The following LPIN2 variants were observed in gnomAD, a reference collection of about 807,000 sequenced individuals.
The protein encoded by LPIN2 is phosphatidate phosphatase LPIN2.
In LPIN2, 55 loss-of-function variants were observed where a neutral mutation model predicts 111.4. The ratio of observed to expected loss-of-function variants is 0.49; its 90% CI spans 0.40 to 0.62. The LOEUF (loss-of-function observed/expected upper bound fraction) is 0.62, where lower values mean the gene tolerates loss of function less well. Among genes scored for constraint, LPIN2 ranks in the 20% least tolerant of loss-of-function variants. The probability of loss-of-function intolerance (pLI) is 0.00; values close to 1 mark genes in which losing one functional copy is unlikely to be tolerated. For missense variants in LPIN2, 992 were observed against 1,112.1 expected (o/e 0.89, Z 1.54); for synonymous variants, 425 against 414.0 (o/e 1.03, Z -0.32).
intron 1 of LPIN2, among the ~76,000 whole-genome samples, chr18:2,992,036 A>G (rs1186072293): frequency 6.6e-6 from 1 of 152,170 alleles, no homozygotes; most frequent in African/African-American, 2.4e-5. Flanking sequence ...AATACAATAA[A>G]AAATAAATAT....
intron 3 of LPIN2, among the ~76,000 whole-genome samples, chr18:2,953,658 G>T (rs1162655578): frequency 1.3e-5 from 2 of 152,110 alleles, no homozygotes; most frequent in Admixed American, 1.3e-4. Context: ...GTATCAAACT[G>T]TAAGTTCATC....
At chr18:3,011,103 A>G (rs1341517158) in intron 1 of LPIN2, among the ~76,000 whole-genome samples, 1 of 152,060 alleles carries the variant, frequency 6.6e-6, no homozygotes, top group Admixed American at 6.5e-5. Context: ...GCTTTCAGGA[A>G]CTCTGGGTCC....
At chr18:3,004,610 G>A (rs890651940) in intron 1 of LPIN2, among the ~76,000 whole-genome samples, 3 of 152,100 alleles carry the variant, frequency 2.0e-5, no homozygotes, top group African/African-American at 7.2e-5. Context: ...ATCAGGAACC[G>A]TCAAAATTAC....
chr18:2,930,067 G>A (rs2077192198), intron 9 of LPIN2, among the ~76,000 whole-genome samples: 1 of 152,096 alleles, frequency 6.6e-6, no homozygotes, highest in Non-Finnish European at 1.5e-5. Flanking sequence ...ATGAATTTTT[G>A]TACCCTGTTC....
chr18:2,939,641 C>A, intron 5 of LPIN2, 38 bp from the exon 6 acceptor site: 2 of 1,607,838 alleles, frequency 1.2e-6, no homozygotes, highest in South Asian at 2.2e-5. Flanking sequence ...ACTTGAAAGT[C>A]GGGAAACCTT....
At chr18:2,939,933 T>G (rs1292850506) in intron 5 of LPIN2, among the ~76,000 whole-genome samples, 1 of 152,218 alleles carries the variant, frequency 6.6e-6, no homozygotes, top group African/African-American at 2.4e-5. Flanking sequence ...ACATAACACC[T>G]GAGAATCTGA....
intron 2 of LPIN2, among the ~76,000 whole-genome samples, chr18:2,958,057 G>A (rs1053727850): frequency 1.2e-4 from 17 of 141,180 alleles, no homozygotes; most frequent in African/African-American, 4.2e-4. Context: ...CAGGAGAAAC[G>A]CTTGAATCAG....
At chr18:2,945,927 G>C (rs570699130) in intron 4 of LPIN2, 1 of 1,419,476 alleles carries the variant, frequency 7.0e-7, no homozygotes, top group African/African-American at 1.4e-5. Flanking sequence ...CTTGGTCTAA[G>C]AATGTATTAA....
intron 18 of LPIN2, chr18:2,921,183 T>G (rs1037811557): frequency 1.8e-6 from 1 of 550,932 alleles, no homozygotes; most frequent in African/African-American, 1.9e-5. Flanking sequence ...GGGAGGCAGG[T>G]TGGGAAGTGC....
At position 2,927,765 on chromosome 18, in the gene LPIN2, C is replaced by T; in HGVS notation, c.1667G>A (p.Gly556Asp). ...TCTCTTTCGCCAAAACCACCAGCGA[C>T]CAGATTTCTTTGGCATCTTGTCTTT... ...WVKDKMPKKS[G>D]RWWFWRKRES... is the part of the protein sequence containing the mutation. The change falls in exon 12 of 20, where the codon GGT becomes GAT. Residue 556 changes from glycine to aspartate, a missense_variant. By Grantham distance (94) the Gly-to-Asp change is moderately conservative. This residue lies in a region of LPIN2 where 709 missense variants were observed against 753.2 expected (regional missense o/e 0.94). Coordinates refer to ENST00000677752, the MANE Select transcript of LPIN2 (RefSeq NM_001375808.2). 6.2e-7 allele frequency: 1 copy of T among 1,614,212 alleles called. No individual in the cohort carries two copies. The highest frequency in any genetic ancestry group is 1.1e-5 in the South Asian group (1 of 91,086).
chr18:2,957,541 A>T (rs903950291), intron 2 of LPIN2, among the ~76,000 whole-genome samples: 7 of 152,188 alleles, frequency 4.6e-5, no homozygotes, highest in Non-Finnish European at 1.0e-4. Context: ...CTGTTGTCCA[A>T]GCCAATAAAT....
rs777626134 is a variant in LPIN2 at position 2,929,055 on chromosome 18, G to A, written c.1550+10C>T. ...GAGTATTTAACAATTATAAAAGCAG[G>A]AGTATTTACCGATTATATATCCTTA... On this transcript the variant is annotated intron_variant, in intron 10 of 19. Transcript: ENST00000677752. The A allele has an allele frequency of 6.0e-6, 9 of 1,493,158 alleles. No homozygotes were observed. The East Asian group carries it at 1.8e-4, about 30-fold the overall frequency. 92.5% of individuals were successfully genotyped at this position (1,493,158 alleles called of 1,614,324 possible). A position where few individuals can be genotyped will look rare whatever the true frequency, so the allele number is the denominator to read the frequency against.
chr18:2,989,056 C>T (rs1598602922), intron 1 of LPIN2, among the ~76,000 whole-genome samples: 1 of 152,030 alleles, frequency 6.6e-6, no homozygotes, highest in Non-Finnish European at 1.5e-5. Context: ...CTAAGCCATA[C>T]CCTGGAATTA....
chr18:2,926,267 G>A (rs934083603), intron 13 of LPIN2, among the ~76,000 whole-genome samples: 27 of 152,218 alleles, frequency 1.8e-4, no homozygotes, highest in African/African-American at 2.4e-4. Context: ...TGCACTGGCC[G>A]GGGGAGGTGG....
chr18:2,932,468 G>GAA (rs749473066), intron 8 of LPIN2, among the ~76,000 whole-genome samples: 1 of 152,094 alleles, frequency 6.6e-6, no homozygotes, highest in Non-Finnish European at 1.5e-5. Flanking sequence ...CAGGTTTTTG[G>GAA]ATATTTTTTC....
Position 2,951,225 on chromosome 18 carries a change from G to C in LPIN2, c.420C>G (p.Val140=). 1.2e-6 allele frequency: 2 copies of C among 1,614,036 alleles called. No individual in the cohort carries two copies. Among genetic ancestry groups the C allele is most frequent in the Non-Finnish European group, 8.5e-7 (1 of 1,180,018 alleles). ...TPSQSSDISH[V]LETETIFTPS... Reference sequence around the variant, plus strand: ...GAGTAAAAATTGTCTCTGTTTCCAAGACGTGTGAGATGTCTGAACTCTGAG... The same window carrying C: ...GAGTAAAAATTGTCTCTGTTTCCAACACGTGTGAGATGTCTGAACTCTGAG... The change falls in exon 4 of 20, where the codon GTC becomes GTG. Residue 140 remains valine, a synonymous_variant. Coordinates refer to ENST00000677752, the MANE Select transcript of LPIN2 (RefSeq NM_001375808.2).
chr18:2,919,143 T>C lies in LPIN2; in HGVS notation c.*1150A>G, dbSNP rs1013804650. The C allele has an allele frequency of 1.3e-5, 2 of 152,174 alleles. No individual in the cohort carries two copies. The highest frequency in any genetic ancestry group is 4.1e-4 in the South Asian group (2 of 4,830). The allele number at this position is 152,174 out of a possible 1,614,324, so 9.4% of individuals were successfully genotyped here. A position where few individuals can be genotyped will look rare whatever the true frequency, so the allele number is the denominator to read the frequency against. ...TCAGTAAATGGAGCTACCATGTATATTTTAGTGAAAATACATAGGCACCCG... is the reference window on the plus strand; with the variant it reads ...TCAGTAAATGGAGCTACCATGTATACTTTAGTGAAAATACATAGGCACCCG... On this transcript the variant is annotated 3_prime_UTR_variant, in exon 20 of 20. Coordinates refer to ENST00000677752, the MANE Select transcript of LPIN2 (RefSeq NM_001375808.2).
chr18:2,947,278 G>A (rs527355114), intron 4 of LPIN2, among the ~76,000 whole-genome samples: 1 of 151,428 alleles, frequency 6.6e-6, no homozygotes, highest in Non-Finnish European at 1.5e-5. Context: ...TCAAGATTAT[G>A]CTAGAACACC....
intron 13 of LPIN2, among the ~76,000 whole-genome samples, chr18:2,926,055 T>C (rs1191451699): frequency 1.3e-5 from 2 of 152,038 alleles, no homozygotes; most frequent in African/African-American, 4.8e-5. Flanking sequence ...CGAGGCAGGA[T>C]TGTATGAGCC....
Sources: allele counts gnomAD v4.1 joint callset (sites outside exome capture counted in the v4.1 genomes callset), GRCh38; gene constraint gnomAD v4.1.1; regional missense constraint gnomAD v4.1.1; transcripts MANE v1.5; gene names NCBI Gene and HGNC (gene_info 2026-07-23, HGNC 2026-07-21).